The following CSRNP1 variants were observed in gnomAD, a reference collection of about 807,000 sequenced individuals.
The protein encoded by CSRNP1 is cysteine/serine-rich nuclear protein 1.
CSRNP1 carries 8 observed loss-of-function variants against 25.0 expected under a neutral mutation model. The observed-to-expected ratio is 0.32, with a 90% CI of 0.19 to 0.58. CSRNP1 has a LOEUF of 0.58. Among genes scored for constraint, CSRNP1 ranks in the 20% least tolerant of loss-of-function variants. The probability of loss-of-function intolerance (pLI) is 0.88; values close to 1 mark genes in which losing one functional copy is unlikely to be tolerated. For synonymous variants in CSRNP1, 305 were observed against 303.1 expected (o/e 1.01, Z -0.06); for missense variants, 691 against 773.1 (o/e 0.89, Z 1.26).
intron 1 of CSRNP1, chr3:39,152,101 A>G (rs1166631090): frequency 6.6e-6 from 1 of 152,464 alleles, no homozygotes; most frequent in Non-Finnish European, 1.5e-5. Context: ...GGACAAATAG[A>G]GTGGGGTGCT....
intron 4 of CSRNP1, 22 bp from the exon 5 acceptor site, chr3:39,144,066 C>T: frequency 6.2e-7 from 1 of 1,608,080 alleles, no homozygotes. Context: ...AGTAGAGGTA[C>T]AAGTGAGGGT....
chr3:39,142,876 G>T lies in CSRNP1; in HGVS notation c.*179C>A. 1 of 729,246 alleles carries T rather than the reference G, an allele frequency of 1.4e-6. No homozygotes were observed. Among genetic ancestry groups the T allele is most frequent in the Non-Finnish European group, 2.1e-6 (1 of 474,616 alleles). The allele number at this position is 729,246 out of a possible 1,614,324, so 45.2% of individuals were successfully genotyped here. ...CCCCCTCCCCCCAGTCCTCTCTTCAGCACAGAAAAGTTAAAACAAATAAAT... is the reference window on the plus strand; with the variant it reads ...CCCCCTCCCCCCAGTCCTCTCTTCATCACAGAAAAGTTAAAACAAATAAAT... On this transcript the variant is annotated 3_prime_UTR_variant, in exon 5 of 5. Transcript: ENST00000273153.
intron 1 of CSRNP1, chr3:39,149,437 G>A (rs1380963934): frequency 6.6e-6 from 1 of 152,178 alleles, no homozygotes; most frequent in Non-Finnish European, 1.5e-5. Flanking sequence ...GGACACTTAA[G>A]ATTTATATAC....
chr3:39,146,750 T>A (rs2039519541), intron 1 of CSRNP1, 28 bp from the exon 2 acceptor site: 3 of 1,529,696 alleles, frequency 2.0e-6, no homozygotes, highest in Non-Finnish European at 2.6e-6. Flanking sequence ...AGGCTCTAAG[T>A]GGCAGGCAGG....
rs1356720157 is a variant in CSRNP1 at position 39,145,278 on chromosome 3, G to A, written c.206-22C>T. 3.2e-6 allele frequency: 5 copies of A among 1,544,046 alleles called. No homozygotes were observed. In the African/African-American group the frequency reaches 6.9e-5, roughly 21 times the overall value. ...AGGGCTAGAAAGCAGGCAAAGATGGGCTGGGGATTAGTTTTCAGTGAGGCA... is the reference window on the plus strand; with the variant it reads ...AGGGCTAGAAAGCAGGCAAAGATGGACTGGGGATTAGTTTTCAGTGAGGCA... On this transcript the variant is annotated intron_variant, in intron 2 of 4. Transcript: ENST00000273153.
chr3:39,144,310 G>T lies in CSRNP1; in HGVS notation c.607C>A (p.Pro203Thr). Residue 203 changes from proline to threonine, a missense_variant, in exon 4 of 5, where the codon CCA (proline) becomes ACA (threonine). Coordinates refer to ENST00000273153, the MANE Select transcript of CSRNP1 (RefSeq NM_033027.4). Reference sequence around the variant, plus strand: ...AGCAGAGCTCGACGTCGCCGGGCTGGGTAGGGCTGTAGGAAGCTCACTTCT... The same window carrying T: ...AGCAGAGCTCGACGTCGCCGGGCTGTGTAGGGCTGTAGGAAGCTCACTTCT... ...LEEVSFLQPY[P>T]ARRRRALLRA... 1 of 1,614,176 alleles carries T rather than the reference G, an allele frequency of 6.2e-7. No homozygotes were observed. The highest frequency in any genetic ancestry group is 1.1e-5 in the South Asian group (1 of 91,092).
In CSRNP1 at chr3:39,144,343, G is replaced by A. The variant is rs745915113; in HGVS notation, c.574C>T (p.Arg192Trp). The A allele has an allele frequency of 2.5e-5, 40 of 1,613,910 alleles. No individual in the cohort carries two copies. The East Asian group carries it at 4.2e-4, about 17-fold the overall frequency. Residue 192 changes from arginine (R) to tryptophan (W), a missense_variant, in exon 4 of 5, where the codon CGG (arginine) becomes TGG (tryptophan). Arg to Trp is a moderately radical substitution (Grantham distance 101). Transcript: ENST00000273153. The part of the protein sequence containing the change: ...EDLAVAVAGG[R>W]LEEVSFLQPY... ...TGTAGGAAGCTCACTTCTTCCAACCGGCCACCTGCCACAGCGACTGCCAAG... is the reference window on the plus strand; with the variant it reads ...TGTAGGAAGCTCACTTCTTCCAACCAGCCACCTGCCACAGCGACTGCCAAG...
chr3:39,149,628 A>G (rs1351427134), intron 1 of CSRNP1: 1 of 152,242 alleles, frequency 6.6e-6, no homozygotes, highest in African/African-American at 2.4e-5. Context: ...CACGCCTAGA[A>G]CCACTCTATA....
At chr3:39,153,886 C>T (rs1017957945), upstream of CSRNP1, 1 of 152,598 alleles carries the variant, frequency 6.6e-6, no homozygotes, top group Admixed American at 6.5e-5. Context: ...CCGGCAGAGC[C>T]GAGCGTAGAG....
chr3:39,143,284 TA>T lies in CSRNP1; in HGVS notation c.1540del (p.Tyr514IlefsTer54). The part of the protein sequence containing the change: ...SFELLQALPD[Y>X]SLGPHYTSQK... ...TGATGTGTAGTGAGGCCCCAGACTA[TA>T]ATCTGGCAGAGCCTGGAGTAACTCA... On this transcript the variant is annotated frameshift_variant, in exon 5 of 5. Coordinates refer to ENST00000273153, the MANE Select transcript of CSRNP1 (RefSeq NM_033027.4). LOFTEE classifies it low-confidence loss of function (END_TRUNC). The T allele has an allele frequency of 6.2e-7, 1 of 1,614,168 alleles. No individual in the cohort carries two copies.
intron 1 of CSRNP1, among the ~76,000 whole-genome samples, chr3:39,147,748 G>A (rs1300335133): frequency 1.3e-5 from 2 of 152,066 alleles, no homozygotes; most frequent in Non-Finnish European, 2.9e-5. Flanking sequence ...CTCATTCCCT[G>A]GAATGCTTCA....
Position 39,142,968 on chromosome 3 carries a change from G to A in CSRNP1, c.*87C>T, listed in dbSNP as rs2039433566. ...CACCTGTGGGTGAGCCAGCCAGTGG[G>A]AGACTGTTACGCAGACTCTGGGGAG... On this transcript the variant is annotated 3_prime_UTR_variant, in exon 5 of 5. Coordinates refer to ENST00000273153, the MANE Select transcript of CSRNP1 (RefSeq NM_033027.4). 1.4e-6 allele frequency: 2 copies of A among 1,457,282 alleles called. No individual in the cohort carries two copies. Among genetic ancestry groups the A allele is most frequent in the Non-Finnish European group, 1.8e-6 (2 of 1,083,360 alleles). The allele number at this position is 1,457,282 out of a possible 1,614,324, so 90.3% of individuals were successfully genotyped here.
Position 39,144,332 on chromosome 3 carries a change from T to A in CSRNP1, c.585A>T (p.Glu195Asp). The change falls in exon 4 of 5, where the codon GAA (glutamate) becomes GAT (aspartate). Residue 195 changes from glutamate (E) to aspartate (D), a missense_variant. By Grantham distance (45) the Glu-to-Asp change is conservative. Transcript: ENST00000273153. ...CTGGGTAGGGCTGTAGGAAGCTCACTTCTTCCAACCGGCCACCTGCCACAG... is the reference window on the plus strand; with the variant it reads ...CTGGGTAGGGCTGTAGGAAGCTCACATCTTCCAACCGGCCACCTGCCACAG... ...AVAVAGGRLE[E>D]VSFLQPYPAR... 6.2e-7 allele frequency: 1 copy of A among 1,614,162 alleles called. No individual in the cohort carries two copies. The highest frequency in any genetic ancestry group is 8.5e-7 in the Non-Finnish European group (1 of 1,180,026).
chr3:39,148,111 G>A (rs946661046), intron 1 of CSRNP1, among the ~76,000 whole-genome samples: 1 of 152,056 alleles, frequency 6.6e-6, no homozygotes, highest in Admixed American at 6.6e-5. Context: ...TTTACCCCAG[G>A]GACAGCCTCC....
chr3:39,143,364 C>T lies in CSRNP1; in HGVS notation c.1461G>A (p.Met487Ile). Residue 487 changes from methionine (M) to isoleucine (I), a missense_variant, in exon 5 of 5, where the codon ATG becomes ATA. Transcript: ENST00000273153. Reference protein sequence around the residue: ...SLPGTSVPPSMDAGRSSSVDL... With the variant: ...SLPGTSVPPSIDAGRSSSVDL... ...CCACTGAGCTACTCCGGCCAGCGTC[C>T]ATGCTGGGTGGCACTGAGGTGCCAG... 6.2e-7 allele frequency: 1 copy of T among 1,614,202 alleles called. No homozygotes were observed. The highest frequency in any genetic ancestry group is 1.7e-5 in the Admixed American group (1 of 60,032).
At chr3:39,146,447 T>C in intron 2 of CSRNP1, 31 bp downstream of exon 2, 1 of 1,492,398 alleles carries the variant, frequency 6.7e-7, no homozygotes, top group Non-Finnish European at 8.9e-7. Context: ...GGCAGGCAGG[T>C]GATGGAGTTC....
At position 39,146,774 on chromosome 3, in the gene CSRNP1, A is replaced by G. The variant is rs1304527831; in HGVS notation, c.-40-52T>C. On this transcript the variant is annotated intron_variant, in intron 1 of 4. Coordinates refer to ENST00000273153, the MANE Select transcript of CSRNP1 (RefSeq NM_033027.4). ...GTGGCAGGCAGGCAGCAGCAGGTGG[A>G]CTTCCAGCCAGGATCATCATCCCTC... The G allele has an allele frequency of 4.6e-6, 7 of 1,506,112 alleles. No homozygotes were observed. In the African/African-American group the frequency reaches 8.3e-5, roughly 18 times the overall value. The allele number at this position is 1,506,112 out of a possible 1,614,324, so 93.3% of individuals were successfully genotyped here.
intron 3 of CSRNP1, among the ~76,000 whole-genome samples, 195 bp downstream of exon 3, chr3:39,144,802 C>A (rs996759320): frequency 6.6e-6 from 1 of 152,046 alleles, no homozygotes; most frequent in Non-Finnish European, 1.5e-5. Flanking sequence ...CAAATAGACA[C>A]GAGCCCTCCT....
chr3:39,145,627 A>C (rs981324390), intron 2 of CSRNP1, among the ~76,000 whole-genome samples: 3 of 152,186 alleles, frequency 2.0e-5, no homozygotes, highest in Non-Finnish European at 4.4e-5. Context: ...TCCCTTTACA[A>C]GTTAATGTTT....
Sources: allele counts gnomAD v4.1 joint callset (sites outside exome capture counted in the v4.1 genomes callset), GRCh38; gene constraint gnomAD v4.1.1; transcripts MANE v1.5; gene names NCBI Gene and HGNC (gene_info 2026-07-23, HGNC 2026-07-21).